TENM2: variants seen among roughly 807,000 people sequenced by gnomAD.
TENM2 encodes teneurin-2.
Under a neutral mutation model 245.2 loss-of-function variants are expected in TENM2, and 52 were observed. The observed-to-expected ratio is 0.21, with a 90% confidence interval of 0.17 to 0.27. The LOEUF is 0.27. Among genes scored for constraint, TENM2 ranks in the 10% least tolerant of loss-of-function variants. The pLI is 1.00. For synonymous variants in TENM2, 1,363 were observed against 1,438.9 expected, an observed-to-expected ratio of 0.95 and a Z score of 1.19; for missense variants, 3,046 against 3,666.8, an observed-to-expected ratio of 0.83 and a Z score of 4.37.
chr5:167,848,306 T>C (rs929461358), intron 2 of TENM2, among the ~76,000 whole-genome samples: 2 of 152,084 alleles, frequency 1.3e-5, no homozygotes, highest in African/African-American at 4.8e-5. Flanking sequence ...TCCATAATGA[T>C]CAGCTAGGCA....
intron 9 of TENM2, among the ~76,000 whole-genome samples, chr5:168,103,021 C>T (rs1793943937): frequency 1.3e-5 from 2 of 151,488 alleles, no homozygotes; most frequent in African/African-American, 2.4e-5. Flanking sequence ...CTAATGCTAT[C>T]CCTCCCCGCC....
At chr5:168,260,508 A>G in intron 28 of TENM2, 95 bp downstream of exon 30, 1 of 1,448,140 alleles carries the variant, frequency 6.9e-7, no homozygotes, top group Non-Finnish European at 9.5e-7. Flanking sequence ...CAGCGCAGGA[A>G]AACATTGGAG....
At chr5:167,291,848 C>G (rs929509041) in intron 1 of TENM2, among the ~76,000 whole-genome samples, 10 of 152,172 alleles carry the variant, frequency 6.6e-5, no homozygotes, top group Admixed American at 3.9e-4. Flanking sequence ...TTTCTGTAGT[C>G]TATCTAAGCT....
chr5:167,859,098 TGTG>T (rs1208110375), intron 2 of TENM2, among the ~76,000 whole-genome samples: 2 of 130,594 alleles, frequency 1.5e-5, no homozygotes, highest in African/African-American at 5.8e-5. Flanking sequence ...TCGTCTGAGA[TGTG>T]GGGAGCGCCT....
chr5:167,055,182 T>G, the TENM2 span, among the ~76,000 whole-genome samples: 1 of 152,248 alleles, frequency 6.6e-6, no homozygotes, highest in African/African-American at 2.4e-5. Context: ...AGATCTCTGA[T>G]CCATTTTGAG....
At chr5:167,283,306 A>G (rs889648020), upstream of TENM2, among the ~76,000 whole-genome samples, 2 of 151,774 alleles carry the variant, frequency 1.3e-5, no homozygotes, top group African/African-American at 4.8e-5. Context: ...CGGCCTCCCA[A>G]AGTTACAGAC....
chr5:167,710,099 G>T (rs1212595033), intron 2 of TENM2, among the ~76,000 whole-genome samples: 1 of 152,042 alleles, frequency 6.6e-6, no homozygotes, highest in Non-Finnish European at 1.5e-5. Context: ...AAGAAGTAAT[G>T]ATTTAACTTC....
the TENM2 span, among the ~76,000 whole-genome samples, chr5:167,176,817 ATCT>A: frequency 9.9e-3 from 1,501 of 152,358 alleles, 23 homozygotes; most frequent in African/African-American, 0.034. Flanking sequence ...GGGGAAAATA[ATCT>A]ATTAGGATGG....
At chr5:167,504,707 A>G (rs1009662427) in intron 2 of TENM2, among the ~76,000 whole-genome samples, 8 of 152,180 alleles carry the variant, frequency 5.3e-5, no homozygotes, top group African/African-American at 1.9e-4. Context: ...CAGTATTGAG[A>G]TTAGATCTGT....
intron 4 of TENM2, among the ~76,000 whole-genome samples, chr5:167,989,268 A>AAGAGAGAGAGAGAGAGAGAG (rs10617322): frequency 1.0e-4 from 15 of 145,028 alleles, no homozygotes; most frequent in African/African-American, 3.9e-4. Flanking sequence ...AAGATAGAGA[A>AAGAGAGAGAGAGAGAGAGAG]AGAGAGAGAG....
intron 5 of TENM2, among the ~76,000 whole-genome samples, chr5:168,014,811 A>T (rs1785525099): frequency 6.6e-6 from 1 of 152,142 alleles, no homozygotes. Context: ...GGGTCTCATG[A>T]GTGACAGTGG....
intron 5 of TENM2, among the ~76,000 whole-genome samples, chr5:168,037,631 A>G (rs1267882651): frequency 2.0e-5 from 3 of 150,854 alleles, no homozygotes; most frequent in Admixed American, 6.7e-5. Flanking sequence ...AGCGGGTAAG[A>G]GGAGGAGGCT....
the TENM2 span, among the ~76,000 whole-genome samples, chr5:167,043,251 A>C: frequency 5.6e-3 from 853 of 152,340 alleles, 7 homozygotes; most frequent in African/African-American, 0.019. Flanking sequence ...AAATGATTGA[A>C]AAGATAGCTT....
chr5:167,300,565 A>G (rs1755248060), intron 1 of TENM2, among the ~76,000 whole-genome samples: 1 of 152,172 alleles, frequency 6.6e-6, no homozygotes, highest in Non-Finnish European at 1.5e-5. Flanking sequence ...TATAGGCTTT[A>G]AAAAGCCATG....
intron 3 of TENM2, among the ~76,000 whole-genome samples, chr5:167,920,495 G>A (rs181349014): frequency 6.9e-6 from 1 of 145,706 alleles, no homozygotes; most frequent in East Asian, 2.1e-4. Flanking sequence ...TGCAGCCTGG[G>A]CAACAAGAGC....
chr5:168,142,115 A>G (rs1441424122), intron 12 of TENM2, among the ~76,000 whole-genome samples: 1 of 152,244 alleles, frequency 6.6e-6, no homozygotes, highest in Non-Finnish European at 1.5e-5. Context: ...ACCAGGCTGA[A>G]CTAGCCATCA....
At chr5:167,609,731 A>G (rs1777343979) in intron 2 of TENM2, among the ~76,000 whole-genome samples, 2 of 152,072 alleles carry the variant, frequency 1.3e-5, no homozygotes, top group African/African-American at 4.8e-5. Flanking sequence ...ATGAGAAGCC[A>G]CTTTGGCTCT....
intron 2 of TENM2, among the ~76,000 whole-genome samples, chr5:167,709,822 A>G (rs944593531): frequency 3.9e-5 from 6 of 152,156 alleles, no homozygotes; most frequent in African/African-American, 1.4e-4. Flanking sequence ...AGAGTGAGAG[A>G]GTGTGGGAGG....
intron 1 of TENM2, among the ~76,000 whole-genome samples, chr5:167,366,761 C>T (rs1760078851): frequency 6.6e-6 from 1 of 152,042 alleles, no homozygotes; most frequent in Non-Finnish European, 1.5e-5. Flanking sequence ...AGCCTTGCAG[C>T]TAACTCACTA....
Sources: allele counts gnomAD v4.1 joint callset (sites outside exome capture counted in the v4.1 genomes callset), GRCh38; gene constraint gnomAD v4.1.1; transcripts MANE v1.5; gene names NCBI Gene and HGNC (gene_info 2026-07-23, HGNC 2026-07-21).